ATXN2: variants seen among roughly 807,000 people sequenced by gnomAD.
ATXN2 encodes ataxin 2.
ATXN2 carries 37 observed loss-of-function variants against 138.6 expected under a neutral mutation model. That is an observed-to-expected ratio of 0.27 (90% CI 0.21 to 0.35). The LOEUF (loss-of-function observed/expected upper bound fraction) is 0.35. ATXN2 is among the 10% of genes least tolerant of loss of function. ATXN2 has a pLI of 1.00. For missense variants in ATXN2, 1,216 were observed against 1,480.3 expected, an observed-to-expected ratio of 0.82 and a Z score of 2.93; for synonymous variants, 549 against 543.7, an observed-to-expected ratio of 1.01 and a Z score of -0.13.
chr12:111,498,678 T>C (rs925289572), intron 14 of ATXN2, among the ~76,000 whole-genome samples: 1 of 152,092 alleles, frequency 6.6e-6, no homozygotes, highest in Non-Finnish European at 1.5e-5. Context: ...CCTATCAAAA[T>C]ACCAATGACA....
At chr12:111,562,444 G>C (rs1272143069) in intron 1 of ATXN2, among the ~76,000 whole-genome samples, 2 of 151,768 alleles carry the variant, frequency 1.3e-5, no homozygotes, top group African/African-American at 4.8e-5. Flanking sequence ...AAGAAGGCCT[G>C]GTGTGGCAGC....
chr12:111,481,795 G>A (rs1877258584), intron 18 of ATXN2, among the ~76,000 whole-genome samples: 1 of 152,048 alleles, frequency 6.6e-6, no homozygotes, highest in South Asian at 2.1e-4. Flanking sequence ...CTGAATAGCT[G>A]GGATTATAGG....
At chr12:111,480,228 A>T (rs1566015675) in intron 18 of ATXN2, among the ~76,000 whole-genome samples, 1 of 152,222 alleles carries the variant, frequency 6.6e-6, no homozygotes, top group Non-Finnish European at 1.5e-5. Context: ...AAATGTAAAC[A>T]TAAAAAGATG....
chr12:111,467,144 TTTC>T (rs1876083128), intron 20 of ATXN2, among the ~76,000 whole-genome samples: 1 of 151,724 alleles, frequency 6.6e-6, no homozygotes, highest in Non-Finnish European at 1.5e-5. Flanking sequence ...TTTCTTATGT[TTTC>T]TTTTTTTTAA....
chr12:111,497,839 AC>A (rs1176349159), intron 14 of ATXN2, among the ~76,000 whole-genome samples: 5 of 151,846 alleles, frequency 3.3e-5, no homozygotes, highest in East Asian at 1.9e-4. Flanking sequence ...ACACGGTGAA[AC>A]CCCGTCTCTA....
Position 111,455,745 on chromosome 12 carries a change from A to G in ATXN2, c.3270+284T>C. 5.8e-6 allele frequency: 3 copies of G among 514,760 alleles called. 1 individual carries two copies. In the South Asian group the frequency reaches 6.2e-5, roughly 11 times the overall value. 31.9% of individuals were successfully genotyped at this position (514,760 alleles called of 1,614,324 possible). On this transcript the variant is annotated intron_variant, in intron 23 of 24. Coordinates refer to ENST00000673436, the MANE Select transcript of ATXN2 (RefSeq NM_001372574.1). ...AGGCTATATAGACATAGCAAAGCAGACACAGAAAGGAAAGAAGGACTGGGT... is the reference window on the plus strand; with the variant it reads ...AGGCTATATAGACATAGCAAAGCAGGCACAGAAAGGAAAGAAGGACTGGGT...
chr12:111,458,035 G>C (rs970434124), intron 21 of ATXN2: 5 of 152,244 alleles, frequency 3.3e-5, no homozygotes, highest in Non-Finnish European at 7.3e-5. Context: ...AGGACAACAT[G>C]ATGGGCCAGT....
At chr12:111,586,023 A>C (rs919806158) in intron 1 of ATXN2, among the ~76,000 whole-genome samples, 1 of 151,754 alleles carries the variant, frequency 6.6e-6, no homozygotes, top group African/African-American at 2.4e-5. Context: ...CAGCCTCCCA[A>C]GTAGCTGAGA....
At chr12:111,595,236 T>C (rs1165712428) in intron 1 of ATXN2, among the ~76,000 whole-genome samples, 1 of 152,174 alleles carries the variant, frequency 6.6e-6, no homozygotes, top group Non-Finnish European at 1.5e-5. Context: ...TCTTGGTAAC[T>C]TTCTCTAAGG....
At chr12:111,515,471 A>G (rs2135735954) in intron 10 of ATXN2, among the ~76,000 whole-genome samples, 1 of 152,316 alleles carries the variant, frequency 6.6e-6, no homozygotes, top group South Asian at 2.1e-4. Flanking sequence ...AAGAATTACA[A>G]GATTTTATTC....
intron 1 of ATXN2, among the ~76,000 whole-genome samples, chr12:111,592,782 C>CAAAAAGAAAAAAA (rs1884735421): frequency 3.8e-5 from 1 of 26,018 alleles, no homozygotes; most frequent in African/African-American, 1.1e-4. Flanking sequence ...GACTCCGTCT[C>CAAAAAGAAAAAAA]AAAAAAAAAA....
rs763058339 is a variant in ATXN2 at position 111,452,746 on chromosome 12, C to T, written c.*66G>A. On this transcript the variant is annotated 3_prime_UTR_variant, in exon 25 of 25. Transcript: ENST00000673436. ...ATAAATGAAATTCTAGTTTTCTGTG[C>T]TTCCAGTTGGTAGAAGCAGTAGAAG... 6 of 1,497,038 alleles carry T rather than the reference C, an allele frequency of 4.0e-6. No homozygotes were observed. Among genetic ancestry groups the T allele is most frequent in the Non-Finnish European group, 5.6e-6 (6 of 1,074,384 alleles). The allele number at this position is 1,497,038 out of a possible 1,614,324, so 92.7% of individuals were successfully genotyped here. A position where few individuals can be genotyped will look rare whatever the true frequency, so the allele number is the denominator to read the frequency against.
chr12:111,497,327 A>C (rs923617156), intron 14 of ATXN2, among the ~76,000 whole-genome samples: 4 of 152,290 alleles, frequency 2.6e-5, no homozygotes, highest in African/African-American at 9.6e-5. Flanking sequence ...AATCCTACTC[A>C]AACTATTCCA....
intron 21 of ATXN2, among the ~76,000 whole-genome samples, chr12:111,462,221 T>C (rs1352700154): frequency 6.6e-6 from 1 of 152,248 alleles, no homozygotes; most frequent in Non-Finnish European, 1.5e-5. Context: ...GGTCCAGACC[T>C]AGTCCAGAAG....
At position 111,581,551 on chromosome 12, in the gene ATXN2, C is replaced by G; in HGVS notation, c.251+17233G>C. On this transcript the variant is annotated intron_variant, in intron 1 of 24. Transcript: ENST00000673436. ...GCGAGAACTCCGTGCCCGACCATGT[C>G]GTCTGGTCCCTGTTCAACACCCACT... The G allele has an allele frequency of 3.1e-6, 3 of 957,664 alleles. No homozygotes were observed. The East Asian group carries it at 7.2e-5, about 23-fold the overall frequency. The allele number at this position is 957,664 out of a possible 1,614,324, so 59.3% of individuals were successfully genotyped here.
At chr12:111,501,821 A>C (rs1231838080) in intron 14 of ATXN2, among the ~76,000 whole-genome samples, 2 of 152,228 alleles carry the variant, frequency 1.3e-5, no homozygotes, top group Non-Finnish European at 1.5e-5. Flanking sequence ...GAGTGAAGGC[A>C]AAAATCAGAC....
chr12:111,527,391 GATTTTTT>G (rs1459142545), intron 5 of ATXN2, among the ~76,000 whole-genome samples: 1 of 152,208 alleles, frequency 6.6e-6, no homozygotes, highest in Non-Finnish European at 1.5e-5. Flanking sequence ...ATTCCAGATG[GATTTTTT>G]ATTTGGCAAT....
chr12:111,598,478 G>A lies in ATXN2; in HGVS notation c.251+306C>T. 1.0e-6 allele frequency: 1 copy of A among 985,230 alleles called. No homozygotes were observed. 61.0% of individuals were successfully genotyped at this position (985,230 alleles called of 1,614,324 possible). A position where few individuals can be genotyped will look rare whatever the true frequency, so the allele number is the denominator to read the frequency against. ...GAAGGGGGAGCCGGGGCTGACCATC[G>A]CCGCTACCCGAGAACCCCTCCCAAC... On this transcript the variant is annotated intron_variant, in intron 1 of 24. Coordinates refer to ENST00000673436, the MANE Select transcript of ATXN2 (RefSeq NM_001372574.1). The surrounding 1 kb of genome is among the most constrained non-coding windows in gnomAD (Gnocchi z 4.5).
chr12:111,522,125 T>G (rs1343068233), intron 6 of ATXN2, among the ~76,000 whole-genome samples: 3 of 151,698 alleles, frequency 2.0e-5, no homozygotes, highest in Non-Finnish European at 4.4e-5. Context: ...AAGACTATAA[T>G]GTAAGTCTAC....
Sources: gnomAD v4.1 joint callset for allele counts (sites outside exome capture counted in the v4.1 genomes callset) on GRCh38, gnomAD v4.1.1 for gene constraint, Gnocchi (gnomAD v3.1) non-coding constraint, MANE v1.5 for transcripts, NCBI Gene and HGNC (gene_info 2026-07-23, HGNC 2026-07-21) for gene names.